PTPRR: variants seen among roughly 807,000 people sequenced by gnomAD.
The protein encoded by PTPRR is protein tyrosine phosphatase receptor type R.
In PTPRR, 38 loss-of-function variants were observed where a neutral mutation model predicts 77.2. The ratio of observed to expected loss-of-function variants is 0.49; its 90% CI spans 0.38 to 0.65. The LOEUF is 0.65. Ranked by LOEUF, PTPRR falls within the 30% of genes least tolerant of loss-of-function variation. PTPRR has a pLI of 0.00. For synonymous variants in PTPRR, 299 were observed against 283.1 expected (o/e 1.06, Z -0.57); for missense variants, 744 against 799.2 (o/e 0.93, Z 0.83).
At chr12:70,790,488 C>T (rs1411739979) in intron 2 of PTPRR, among the ~76,000 whole-genome samples, 2 of 152,228 alleles carry the variant, frequency 1.3e-5, no homozygotes, top group African/African-American at 2.4e-5. Context: ...TCTTCCTCAC[C>T]TCTATACAAT....
At chr12:70,818,681 T>C (rs1421307797) in intron 2 of PTPRR, among the ~76,000 whole-genome samples, 1 of 152,182 alleles carries the variant, frequency 6.6e-6, no homozygotes, top group Non-Finnish European at 1.5e-5. Flanking sequence ...TTCTATCTTA[T>C]AGAATACTTT....
intron 2 of PTPRR, among the ~76,000 whole-genome samples, chr12:70,770,617 A>G (rs1009203222): frequency 3.3e-5 from 5 of 152,224 alleles, no homozygotes; most frequent in Admixed American, 2.6e-4. Context: ...GGGATCTAGA[A>G]CTAGAAATAC....
At chr12:70,713,182 C>A (rs1027773982) in intron 6 of PTPRR, among the ~76,000 whole-genome samples, 2 of 152,130 alleles carry the variant, frequency 1.3e-5, no homozygotes, top group Non-Finnish European at 2.9e-5. Context: ...TTTTACGTAG[C>A]ATAAATGTTT....
intron 1 of PTPRR, among the ~76,000 whole-genome samples, chr12:70,897,934 T>C (rs780700039): frequency 7.4e-6 from 1 of 134,478 alleles, no homozygotes; most frequent in Admixed American, 9.0e-5. Flanking sequence ...TTCTCACTCA[T>C]AGGTGGGAAT....
intron 8 of PTPRR, among the ~76,000 whole-genome samples, chr12:70,686,937 A>C (rs1228195973): frequency 6.6e-6 from 1 of 152,174 alleles, no homozygotes; most frequent in Non-Finnish European, 1.5e-5. Flanking sequence ...CATAGCAATA[A>C]ATAGGTAATA....
intron 4 of PTPRR, among the ~76,000 whole-genome samples, 196 bp downstream of exon 4, chr12:70,761,275 C>G (rs1890684819): frequency 1.3e-5 from 2 of 152,106 alleles, no homozygotes; most frequent in Admixed American, 1.3e-4. Context: ...AAGTGAAAAC[C>G]TTAATGTGAA....
intron 13 of PTPRR, among the ~76,000 whole-genome samples, chr12:70,648,375 T>C (rs1405435172): frequency 3.3e-5 from 5 of 152,198 alleles, no homozygotes; most frequent in African/African-American, 1.2e-4. Flanking sequence ...AGAAAGCCAG[T>C]TGGTCACTCT....
chr12:70,765,734 CCTGAGCA>C (rs892399508), intron 2 of PTPRR, among the ~76,000 whole-genome samples: 4 of 152,170 alleles, frequency 2.6e-5, no homozygotes, highest in African/African-American at 9.7e-5. Flanking sequence ...ACCCCTGACC[CCTGAGCA>C]GGCTAACTGG....
At chr12:70,764,468 T>C (rs961532919) in intron 3 of PTPRR, among the ~76,000 whole-genome samples, 197 bp downstream of exon 3, 3 of 152,176 alleles carry the variant, frequency 2.0e-5, no homozygotes, top group Non-Finnish European at 4.4e-5. Context: ...TACTGAACTC[T>C]GCCACTGTAA....
At chr12:70,812,617 A>C (rs1251935317) in intron 2 of PTPRR, among the ~76,000 whole-genome samples, 1 of 152,220 alleles carries the variant, frequency 6.6e-6, no homozygotes, top group Non-Finnish European at 1.5e-5. Context: ...ACTATTAATG[A>C]CAAGAAGAAA....
chr12:70,705,255 G>A (rs1444199293), intron 6 of PTPRR, among the ~76,000 whole-genome samples: 1 of 152,024 alleles, frequency 6.6e-6, no homozygotes, highest in Non-Finnish European at 1.5e-5. Context: ...GGAAGAAAAC[G>A]TAGCTAAAAA....
intron 4 of PTPRR, among the ~76,000 whole-genome samples, chr12:70,756,920 A>G (rs1890577425): frequency 6.6e-6 from 1 of 152,180 alleles, no homozygotes; most frequent in Non-Finnish European, 1.5e-5. Flanking sequence ...ATGAAGTGCA[A>G]ATGTTACAAA....
At chr12:70,821,704 C>T (rs1162521647) in intron 2 of PTPRR, among the ~76,000 whole-genome samples, 5 of 152,034 alleles carry the variant, frequency 3.3e-5, no homozygotes, top group Admixed American at 2.0e-4. Flanking sequence ...CTCTGTCGCC[C>T]AGGCTGGAGT....
chr12:70,687,461 C>G (rs1887913718), intron 8 of PTPRR, among the ~76,000 whole-genome samples: 1 of 151,838 alleles, frequency 6.6e-6, no homozygotes, highest in African/African-American at 2.4e-5. Context: ...TTGTGAAGAC[C>G]AAGATGCTTA....
At chr12:70,703,539 A>G (rs1168939860) in intron 6 of PTPRR, among the ~76,000 whole-genome samples, 1 of 152,198 alleles carries the variant, frequency 6.6e-6, no homozygotes, top group African/African-American at 2.4e-5. Flanking sequence ...CAAGAATTTA[A>G]TCTATTTTTA....
At chr12:70,830,020 T>C (rs1892183699) in intron 2 of PTPRR, among the ~76,000 whole-genome samples, 1 of 152,144 alleles carries the variant, frequency 6.6e-6, no homozygotes. Flanking sequence ...AGTTGGGTCT[T>C]AGAGTTTGGC....
At chr12:70,902,852 A>T (rs1227448408) in intron 1 of PTPRR, among the ~76,000 whole-genome samples, 5 of 151,812 alleles carry the variant, frequency 3.3e-5, no homozygotes, top group African/African-American at 1.2e-4. Flanking sequence ...TACCCATGTA[A>T]CAAAACACCC....
intron 3 of PTPRR, among the ~76,000 whole-genome samples, chr12:70,763,832 A>C (rs1890748751): frequency 6.6e-6 from 1 of 152,090 alleles, no homozygotes. Flanking sequence ...CAGTCATCTG[A>C]TCTGAATTTA....
intron 4 of PTPRR, among the ~76,000 whole-genome samples, chr12:70,756,416 A>G (rs1467074587): frequency 6.6e-6 from 1 of 152,178 alleles, no homozygotes; most frequent in African/African-American, 2.4e-5. Context: ...GGGCAGGGTA[A>G]TAAATGGACA....
Sources: gnomAD v4.1 joint callset for allele counts (sites outside exome capture counted in the v4.1 genomes callset) on GRCh38, gnomAD v4.1.1 for gene constraint, MANE v1.5 for transcripts, NCBI Gene and HGNC (gene_info 2026-07-23, HGNC 2026-07-21) for gene names.